The following SATB2 variants were observed in gnomAD, a reference collection of about 807,000 sequenced individuals.
SATB2 encodes the protein DNA-binding protein SATB2.
In SATB2, 1 loss-of-function variant was observed where a neutral mutation model predicts 73.4. The observed-to-expected ratio is 0.01, with a 90% CI of 0.00 to 0.06. The LOEUF is 0.06. Among genes scored for constraint, SATB2 ranks in the 10% least tolerant of loss-of-function variants. The pLI is 1.00. For missense variants in SATB2, 459 were observed against 945.8 expected (o/e 0.49, Z 6.75); for synonymous variants, 397 against 367.0 (o/e 1.08, Z -0.93).
At chr2:199,444,600 C>A (rs985758409) in intron 2 of SATB2, among the ~76,000 whole-genome samples, 12 of 152,116 alleles carry the variant, frequency 7.9e-5, no homozygotes, top group African/African-American at 2.9e-4. Flanking sequence ...CAAAACAGTT[C>A]TATTCTGACA....
intron 3 of SATB2, among the ~76,000 whole-genome samples, chr2:199,417,599 C>A (rs7583173): frequency 6.6e-6 from 1 of 152,036 alleles, no homozygotes; most frequent in African/African-American, 2.4e-5. Flanking sequence ...GAAGAAAAAC[C>A]AAGGAACAGA....
intron 6 of SATB2, among the ~76,000 whole-genome samples, chr2:199,355,474 A>G (rs2105833069): frequency 6.6e-6 from 1 of 151,822 alleles, no homozygotes; most frequent in East Asian, 1.9e-4. Flanking sequence ...AATATAATCC[A>G]ATGACTTAGT....
rs957572198 is a variant in SATB2, at chr2:199,354,295, G to A, written c.701-5122C>T. On this transcript the variant is annotated intron_variant, in intron 6 of 10. Transcript: ENST00000417098. ...CACTTGAATCCAGGAGGCAGAGGTT[G>A]CAGTGAGTCGAGATTGTGCCACTGC... 2.6e-5 allele frequency among the ~76,000 whole-genome samples: 4 copies of A among 152,194 alleles called. No individual in the cohort carries two copies. The South Asian group carries it at 8.3e-4, about 31-fold the overall frequency.
intron 6 of SATB2, among the ~76,000 whole-genome samples, chr2:199,359,490 T>TTTTC (rs1453178982): frequency 6.6e-6 from 1 of 152,102 alleles, no homozygotes; most frequent in African/African-American, 2.4e-5. Flanking sequence ...AAGCAAAGAT[T>TTTTC]TTTCTTTCTT....
intron 10 of SATB2, among the ~76,000 whole-genome samples, chr2:199,301,888 G>A (rs1207603959): frequency 6.6e-6 from 1 of 152,080 alleles, no homozygotes; most frequent in African/African-American, 2.4e-5. Context: ...GTAATACTAT[G>A]TTCAGGATGG....
At position 199,463,363 on chromosome 2, in the gene SATB2, G is replaced by C. The variant is rs1692523056; in HGVS notation, c.-141+1473C>G. On this transcript the variant is annotated intron_variant, in intron 1 of 11. Coordinates refer to the SATB2 transcript ENST00000260926. The surrounding 1 kb of genome is among the most constrained non-coding windows in gnomAD (Gnocchi z 6.4). ...GCCGCTGCGTCCCCGCCCCCAGCTC[G>C]GAGCTGCCGGGGTTGGGGCCCCGGG... Among the ~76,000 whole-genome samples, 1 of 152,230 alleles carries C rather than the reference G, an allele frequency of 6.6e-6. No homozygotes were observed. Among genetic ancestry groups the C allele is most frequent in the Non-Finnish European group, 1.5e-5 (1 of 68,032 alleles).
chr2:199,292,855 T>C (rs898354812), intron 10 of SATB2, among the ~76,000 whole-genome samples: 1 of 152,186 alleles, frequency 6.6e-6, no homozygotes, highest in East Asian at 1.9e-4. Flanking sequence ...CACAGAGGAA[T>C]TTTAAGCCAG....
chr2:199,343,880 C>T (rs1377891088), intron 7 of SATB2, among the ~76,000 whole-genome samples: 1 of 152,080 alleles, frequency 6.6e-6, no homozygotes, highest in East Asian at 1.9e-4. Context: ...GTGTTTCATG[C>T]TTCAATTAGA....
chr2:199,448,430 A>G (rs1692027067), intron 2 of SATB2, among the ~76,000 whole-genome samples: 1 of 152,184 alleles, frequency 6.6e-6, no homozygotes, highest in African/African-American at 2.4e-5. Context: ...AATCACAATC[A>G]GTTATGAAAG....
At chr2:199,326,902 G>C (rs1241975221) in intron 8 of SATB2, among the ~76,000 whole-genome samples, 1 of 152,116 alleles carries the variant, frequency 6.6e-6, no homozygotes, top group African/African-American at 2.4e-5. Context: ...CAATTTGGCA[G>C]TGCATGATAG....
At chr2:199,413,135 T>C (rs901867807) in intron 3 of SATB2, among the ~76,000 whole-genome samples, 63 of 152,348 alleles carry the variant, frequency 4.1e-4, no homozygotes, top group African/African-American at 1.0e-3. Context: ...ATAAAATGTA[T>C]ATCTTCTCAT....
chr2:199,447,987 C>T (rs79648389), intron 2 of SATB2, among the ~76,000 whole-genome samples: 1 of 152,074 alleles, frequency 6.6e-6, no homozygotes, highest in Non-Finnish European at 1.5e-5. Flanking sequence ...GAAATGGGTC[C>T]AAAACAACAT....
chr2:199,284,878 T>C (rs150222504), intron 10 of SATB2, among the ~76,000 whole-genome samples: 4 of 152,206 alleles, frequency 2.6e-5, no homozygotes, highest in Admixed American at 6.5e-5. Flanking sequence ...ACTATTTACA[T>C]AGCATTTACA....
chr2:199,288,720 A>G (rs1249348584), intron 10 of SATB2, among the ~76,000 whole-genome samples: 1 of 152,240 alleles, frequency 6.6e-6, no homozygotes, highest in Non-Finnish European at 1.5e-5. Flanking sequence ...TTCCTTTTAT[A>G]GAAAGTAAAT....
chr2:199,396,825 A>G (rs1446096792), intron 3 of SATB2: 1 of 152,222 alleles, frequency 6.6e-6, no homozygotes, highest in Non-Finnish European at 1.5e-5. Context: ...CGAGGGCCAT[A>G]CCTAATCTGC....
intron 10 of SATB2, among the ~76,000 whole-genome samples, chr2:199,283,915 T>C (rs1049388315): frequency 6.6e-6 from 1 of 152,194 alleles, no homozygotes; most frequent in East Asian, 1.9e-4. Flanking sequence ...ACTTGTGTCA[T>C]TGTTGGACTT....
At chr2:199,311,529 TA>T (rs1439270281) in intron 9 of SATB2, among the ~76,000 whole-genome samples, 1 of 152,126 alleles carries the variant, frequency 6.6e-6, no homozygotes, top group Non-Finnish European at 1.5e-5. Context: ...TCAAGAGCCT[TA>T]TAGTAGCACA....
At chr2:199,391,088 A>G (rs1277187341) in intron 3 of SATB2, among the ~76,000 whole-genome samples, 1 of 152,222 alleles carries the variant, frequency 6.6e-6, no homozygotes, top group African/African-American at 2.4e-5. Context: ...AACTACGGCT[A>G]TAACTGGTAG....
intron 2 of SATB2, among the ~76,000 whole-genome samples, chr2:199,437,060 CA>C (rs1347644020): frequency 1.3e-5 from 2 of 151,970 alleles, no homozygotes; most frequent in African/African-American, 4.8e-5. Flanking sequence ...CCATTTTCAA[CA>C]AAATTTAGAA....
Sources: allele counts gnomAD v4.1 joint callset (sites outside exome capture counted in the v4.1 genomes callset), GRCh38; gene constraint gnomAD v4.1.1; non-coding constraint Gnocchi (gnomAD v3.1); transcripts MANE v1.5; gene names NCBI Gene and HGNC (gene_info 2026-07-23, HGNC 2026-07-21).